The following UQCC1 variants were observed in gnomAD, a reference collection of about 807,000 sequenced individuals.
UQCC1 encodes the protein bFGF-repressed Zic-binding protein.
In UQCC1, 38 loss-of-function variants were observed where a neutral mutation model predicts 48.0. The ratio of observed to expected loss-of-function variants is 0.79; its 90% CI spans 0.61 to 1.04. The LOEUF (loss-of-function observed/expected upper bound fraction) is 1.04. Ranked by LOEUF, UQCC1 falls within the 50% of genes least tolerant of loss-of-function variation. The probability of loss-of-function intolerance (pLI) is 0.00; values close to 1 mark genes in which losing one functional copy is unlikely to be tolerated. For synonymous variants in UQCC1, 111 were observed against 129.2 expected (o/e 0.86, Z 0.95); for missense variants, 368 against 381.8 (o/e 0.96, Z 0.30).
intron 7 of UQCC1, chr20:35,343,965 A>G (rs1404914550): frequency 6.6e-6 from 1 of 152,212 alleles, no homozygotes; most frequent in African/African-American, 2.4e-5. Context: ...AACAATCCAA[A>G]TAGAAAAAAC....
chr20:35,349,555 C>T (rs2061468185), intron 6 of UQCC1, among the ~76,000 whole-genome samples: 3 of 152,216 alleles, frequency 2.0e-5, no homozygotes, highest in South Asian at 2.1e-4. Flanking sequence ...CAAACCAGAA[C>T]GTATTTGGAA....
chr20:35,323,814 T>A (rs535777353), intron 7 of UQCC1, among the ~76,000 whole-genome samples: 4 of 152,350 alleles, frequency 2.6e-5, no homozygotes, highest in South Asian at 4.1e-4. Flanking sequence ...GTTCAGGACC[T>A]ACTCTTTCCC....
At chr20:35,397,523 A>G (rs1275494599) in intron 1 of UQCC1, among the ~76,000 whole-genome samples, 2 of 151,690 alleles carry the variant, frequency 1.3e-5, no homozygotes, top group Non-Finnish European at 2.9e-5. Flanking sequence ...CAAAAAAAAA[A>G]AAAAAGAAAA....
intron 2 of UQCC1, among the ~76,000 whole-genome samples, chr20:35,389,703 G>A (rs959867714): frequency 2.6e-4 from 39 of 152,170 alleles, no homozygotes; most frequent in Non-Finnish European, 4.9e-4. Flanking sequence ...TTACAACAGA[G>A]TTCCAGTTAA....
chr20:35,410,168 T>C (rs1207082971), intron 1 of UQCC1: 2 of 152,204 alleles, frequency 1.3e-5, no homozygotes, highest in Non-Finnish European at 2.9e-5. Context: ...CACGCCCTCC[T>C]TTCCAAAGGG....
At chr20:35,382,825 T>A (rs933732398) in intron 3 of UQCC1, among the ~76,000 whole-genome samples, 6 of 152,138 alleles carry the variant, frequency 3.9e-5, no homozygotes, top group African/African-American at 1.4e-4. Context: ...TTCATTTTTT[T>A]AAGCATCTTA....
chr20:35,383,977 G>A, intron 3 of UQCC1, 61 bp downstream of exon 3: 1 of 1,463,732 alleles, frequency 6.8e-7, no homozygotes, highest in Admixed American at 1.8e-5. Flanking sequence ...ATTTTGTTGA[G>A]ATCCAAAGAA....
rs532154189 is a variant in UQCC1, at chr20:35,343,547, A to G, written c.573+3617T>C. On this transcript the variant is annotated intron_variant, in intron 7 of 9. Coordinates refer to ENST00000374385, the MANE Select transcript of UQCC1 (RefSeq NM_018244.5). ...TGTCTTGCCTATATAAGGCATGTCTATTTATGCCATGAGGTTAGAAAGAAG... is the reference window on the plus strand; with the variant it reads ...TGTCTTGCCTATATAAGGCATGTCTGTTTATGCCATGAGGTTAGAAAGAAG... 3.3e-5 allele frequency among the ~76,000 whole-genome samples: 5 copies of G among 152,336 alleles called. No individual in the cohort carries two copies. In the South Asian group the frequency reaches 8.3e-4, roughly 25 times the overall value.
chr20:35,347,328 A>T, intron 6 of UQCC1, 56 bp from the exon 7 acceptor site: 1 of 1,599,472 alleles, frequency 6.3e-7, no homozygotes, highest in Middle Eastern at 1.7e-4. Flanking sequence ...CACATCACAC[A>T]TTTCCACTGA....
chr20:35,391,683 T>C (rs933758986), intron 2 of UQCC1, among the ~76,000 whole-genome samples: 12 of 150,722 alleles, frequency 8.0e-5, no homozygotes, highest in South Asian at 2.1e-4. Flanking sequence ...TAAGAATATA[T>C]GACAACTGGA....
intron 5 of UQCC1, among the ~76,000 whole-genome samples, chr20:35,373,703 A>AC (rs1159506974): frequency 6.6e-6 from 1 of 152,060 alleles, no homozygotes; most frequent in African/African-American, 2.4e-5. Flanking sequence ...AAAAAAAAAA[A>AC]AAAACCATCC....
intron 7 of UQCC1, among the ~76,000 whole-genome samples, chr20:35,334,798 T>TA (rs934340863): frequency 5.9e-5 from 9 of 152,148 alleles, no homozygotes; most frequent in African/African-American, 1.9e-4. Context: ...GATGAACTGC[T>TA]AAAAAAACAG....
chr20:35,390,089 C>T (rs1163509511), intron 2 of UQCC1, among the ~76,000 whole-genome samples: 2 of 152,104 alleles, frequency 1.3e-5, no homozygotes, highest in Non-Finnish European at 2.9e-5. Flanking sequence ...AGAACAAAAA[C>T]TGTATGAGTC....
chr20:35,376,240 AGAGGATGCAGTGAGCCGAGATTGTGCC>A (rs2061798018), intron 4 of UQCC1, among the ~76,000 whole-genome samples: 1 of 148,274 alleles, frequency 6.7e-6, no homozygotes, highest in Non-Finnish European at 1.5e-5. Context: ...CCTGGGAGGG[AGAGGATGCAGTGAGCCGAGATTGTGCC>A]ACTGCACTCC....
intron 4 of UQCC1, among the ~76,000 whole-genome samples, chr20:35,380,848 T>G (rs2061857637): frequency 6.6e-6 from 1 of 152,212 alleles, no homozygotes; most frequent in African/African-American, 2.4e-5. Context: ...TGGGGGGATT[T>G]TGGATGCTTT....
At chr20:35,326,510 C>T (rs75118549) in intron 7 of UQCC1, among the ~76,000 whole-genome samples, 3 of 152,066 alleles carry the variant, frequency 2.0e-5, no homozygotes, top group South Asian at 2.1e-4. Context: ...TAGTTTGAGC[C>T]CGGCAGGCGT....
rs117072655 is a variant in UQCC1 at position 35,340,373 on chromosome 20, C to T, written c.573+6791G>A. On this transcript the variant is annotated intron_variant, in intron 7 of 9. Coordinates refer to ENST00000374385, the MANE Select transcript of UQCC1 (RefSeq NM_018244.5). Reference sequence around the variant, plus strand: ...CTGACTTCTTAGAATTTAGCCTTCTCTCCCCTAATAACTGACTATCCACTC... The same window carrying T: ...CTGACTTCTTAGAATTTAGCCTTCTTTCCCCTAATAACTGACTATCCACTC... Among the ~76,000 whole-genome samples, 777 of 152,346 alleles carry T rather than the reference C, an allele frequency of 5.1e-3. 6 individuals are homozygous for T. Among genetic ancestry groups the T allele is most frequent in the Middle Eastern group, 6.8e-3 (2 of 294 alleles).
intron 7 of UQCC1, among the ~76,000 whole-genome samples, chr20:35,341,976 C>T (rs1016992470): frequency 2.6e-5 from 4 of 152,168 alleles, no homozygotes; most frequent in Middle Eastern, 3.4e-3. Context: ...GGAGTGTGAT[C>T]GTAGAGGACC....
intron 1 of UQCC1, among the ~76,000 whole-genome samples, chr20:35,404,048 T>C (rs2062209367): frequency 6.7e-6 from 1 of 149,950 alleles, no homozygotes; most frequent in Admixed American, 6.6e-5. Context: ...CCATCCTGGC[T>C]AACATGGTGA....
Sources: gnomAD v4.1 joint callset for allele counts (sites outside exome capture counted in the v4.1 genomes callset) on GRCh38, gnomAD v4.1.1 for gene constraint, MANE v1.5 for transcripts, NCBI Gene and HGNC (gene_info 2026-07-23, HGNC 2026-07-21) for gene names.